Variants in CACNA1G observed in about 807,000 individuals in gnomAD.
CACNA1G encodes the protein voltage-dependent T-type calcium channel subunit alpha-1G.
Under a neutral mutation model 219.4 loss-of-function variants are expected in CACNA1G, and 67 were observed. The ratio of observed to expected loss-of-function variants is 0.31; its 90% CI spans 0.25 to 0.37. The LOEUF (loss-of-function observed/expected upper bound fraction) is 0.37, where lower values mean the gene tolerates loss of function less well. Among genes scored for constraint, CACNA1G ranks in the 10% least tolerant of loss-of-function variants. CACNA1G has a pLI of 1.00. For missense variants in CACNA1G, 2,380 were observed against 3,231.4 expected, an observed-to-expected ratio of 0.74 and a Z score of 6.39; for synonymous variants, 1,296 against 1,345.3, an observed-to-expected ratio of 0.96 and a Z score of 0.80.
intron 34 of CACNA1G, 110 bp downstream of exon 34, chr17:50,619,936 G>A: frequency 1.7e-6 from 2 of 1,149,252 alleles, no homozygotes; most frequent in Non-Finnish European, 2.4e-6. Flanking sequence ...GGTATCTGTA[G>A]AAAGTGCAGC....
chr17:50,623,401 CA>C lies in CACNA1G; in HGVS notation c.6061-505del, dbSNP rs541681615. Among the ~76,000 whole-genome samples the C allele has an allele frequency of 7.7e-4, 116 of 151,534 alleles. 1 individual carries two copies. In the South Asian group the frequency reaches 0.015, roughly 19 times the overall value. Reference sequence around the variant, plus strand: ...TGCTGGGATTACAGGCATGAGCCACCAGCCACTGTGCCTGGCCTGCTGTTAG... The same window carrying C: ...TGCTGGGATTACAGGCATGAGCCACCGCCACTGTGCCTGGCCTGCTGTTAG... On this transcript the variant is annotated intron_variant, in intron 35 of 37. Transcript: ENST00000359106.
chr17:50,618,031 C>T lies in CACNA1G; in HGVS notation c.5227-17C>T. On this transcript the variant is annotated splice_polypyrimidine_tract_variant and intron_variant, in intron 30 of 37. Coordinates refer to ENST00000359106, the MANE Select transcript of CACNA1G (RefSeq NM_018896.5). This position sits in a 1 kb window ranked among gnomAD's most constrained non-coding sequence, Gnocchi z 5.3. ...AGACCCAGCGGCATCGTTTCTATTT[C>T]TTCTCCTTTTTTCCAGGTGGGGAAC... 3 of 1,613,704 alleles carry T rather than the reference C, an allele frequency of 1.9e-6. No individual in the cohort carries two copies. The highest frequency in any genetic ancestry group is 2.5e-6 in the Non-Finnish European group (3 of 1,179,700).
intron 9 of CACNA1G, among the ~76,000 whole-genome samples, chr17:50,586,561 A>G (rs1339147669): frequency 2.0e-5 from 3 of 152,164 alleles, no homozygotes; most frequent in African/African-American, 7.2e-5. Flanking sequence ...CCTTGCAGAT[A>G]TCGGTCCTGC....
chr17:50,622,194 C>T (rs1391449865), intron 35 of CACNA1G, among the ~76,000 whole-genome samples: 1 of 149,496 alleles, frequency 6.7e-6, no homozygotes, highest in Non-Finnish European at 1.5e-5. Context: ...ACCCCACCCC[C>T]CAACAACATG....
chr17:50,606,366 G>C, intron 23 of CACNA1G: 2 of 605,920 alleles, frequency 3.3e-6, no homozygotes, highest in East Asian at 5.6e-5. Flanking sequence ...TGCAAATCCT[G>C]ACCCCACCAT....
At position 50,569,288 on chromosome 17, in the gene CACNA1G, G is replaced by A. The variant is rs184328705; in HGVS notation, c.478G>A (p.Val160Ile). Residue 160 changes from valine to isoleucine, a missense_variant, in exon 3 of 38, where the codon GTC (valine) becomes ATC (isoleucine). Around this residue, in one of 17 missense-constraint regions of CACNA1G, gnomAD observed 56 missense variants for 135.8 expected, o/e 0.41. Transcript: ENST00000359106. ...TTGGAACCGGCTTGACTTTTTCATC[G>A]TCATCGCAGGGTGAGGACCTGGGCT... ...DTWNRLDFFI[V>I]IAGMLEYSLD... The A allele has an allele frequency of 4.6e-5, 75 of 1,613,610 alleles. No individual in the cohort carries two copies. Among genetic ancestry groups the A allele is most frequent in the Non-Finnish European group, 5.4e-5 (64 of 1,179,830 alleles).
chr17:50,565,133 ACACACACACG>A (rs2037341655), intron 1 of CACNA1G, among the ~76,000 whole-genome samples: 3 of 134,348 alleles, frequency 2.2e-5, no homozygotes, highest in African/African-American at 9.7e-5. Context: ...ACGCGCGCGC[ACACACACACG>A]CGCACACACA....
Position 50,594,853 on chromosome 17 carries a change from C to G in CACNA1G, c.2911-140C>G, listed in dbSNP as rs540638841. ...GCTGTTCTGTCCCCTCTCTGCCCCC[C>G]CATTCCCCGTGTCTCTCAGTTCCCC... On this transcript the variant is annotated intron_variant, in intron 13 of 37. Transcript: ENST00000359106. The G allele has an allele frequency of 8.2e-4, 516 of 630,080 alleles. 2 individuals are homozygous for G. The highest frequency in any genetic ancestry group is 6.6e-3 in the African/African-American group (367 of 55,646). 39.0% of individuals were successfully genotyped at this position (630,080 alleles called of 1,614,324 possible).
chr17:50,616,691 G>A (rs2050676217), intron 28 of CACNA1G, among the ~76,000 whole-genome samples: 1 of 152,192 alleles, frequency 6.6e-6, no homozygotes, highest in South Asian at 2.1e-4. Flanking sequence ...AACTGGATTT[G>A]AATCCTGGTC....
chr17:50,564,497 G>A (rs1165149735), intron 1 of CACNA1G, among the ~76,000 whole-genome samples: 2 of 129,708 alleles, frequency 1.5e-5, no homozygotes, highest in East Asian at 5.8e-4. Context: ...AGGGGAGCCT[G>A]CCAGGAGTCG....
intron 13 of CACNA1G, among the ~76,000 whole-genome samples, chr17:50,594,212 G>A (rs1006313372): frequency 1.3e-5 from 2 of 152,294 alleles, no homozygotes; most frequent in Middle Eastern, 3.4e-3. Flanking sequence ...AGGGGGCAGC[G>A]CCCTGAATCC....
In CACNA1G at chr17:50,569,291, A is replaced by T. The variant is rs368561457; in HGVS notation, c.481A>T (p.Ile161Phe). The change falls in exon 3 of 38, where the codon ATC becomes TTC. Residue 161 changes from isoleucine to phenylalanine, a missense_variant. This residue lies in a region of CACNA1G where 56 missense variants were observed against 135.8 expected (regional missense o/e 0.41). Coordinates refer to ENST00000359106, the MANE Select transcript of CACNA1G (RefSeq NM_018896.5). ...TWNRLDFFIVIAGMLEYSLDL... is the reference protein window; with the variant it reads ...TWNRLDFFIVFAGMLEYSLDL... ...GAACCGGCTTGACTTTTTCATCGTCATCGCAGGGTGAGGACCTGGGCTGGG... is the reference window on the plus strand; with the variant it reads ...GAACCGGCTTGACTTTTTCATCGTCTTCGCAGGGTGAGGACCTGGGCTGGG... 2.5e-6 allele frequency: 4 copies of T among 1,613,410 alleles called. No homozygotes were observed. The highest frequency in any genetic ancestry group is 3.4e-6 in the Non-Finnish European group (4 of 1,179,816).
chr17:50,610,047 C>G (rs1338813615), intron 26 of CACNA1G, 112 bp downstream of exon 26: 28 of 1,041,798 alleles, frequency 2.7e-5, no homozygotes, highest in Non-Finnish European at 3.7e-5. Context: ...CCCTGGGGCC[C>G]CCAAGAGGGC....
At chr17:50,625,445 G>T (rs2146510327) in intron 37 of CACNA1G, among the ~76,000 whole-genome samples, 1 of 152,366 alleles carries the variant, frequency 6.6e-6, no homozygotes, top group East Asian at 1.9e-4. Context: ...GAAGCTCACA[G>T]TCTAATAGTG....
chr17:50,564,628 G>A (rs2037150386), intron 1 of CACNA1G, among the ~76,000 whole-genome samples: 2 of 151,922 alleles, frequency 1.3e-5, no homozygotes, highest in Non-Finnish European at 2.9e-5. Flanking sequence ...AGGGGTGGGG[G>A]CACAGGAGTT....
chr17:50,607,244 C>A, intron 24 of CACNA1G: 1 of 498,054 alleles, frequency 2.0e-6, no homozygotes, highest in East Asian at 4.0e-5. Context: ...TGGCTCACAC[C>A]TGTAATGCCA....
chr17:50,600,976 G>T lies in CACNA1G; in HGVS notation c.3792-75G>T. On this transcript the variant is annotated intron_variant, in intron 18 of 37. Coordinates refer to ENST00000359106, the MANE Select transcript of CACNA1G (RefSeq NM_018896.5). The surrounding 1 kb of genome is among the most constrained non-coding windows in gnomAD (Gnocchi z 4.1). ...CAGCTGGGAGGGCACTGGAGGGGCAGGGGCTGCGGGCGGTGCCTCTCGTTG... is the reference window on the plus strand; with the variant it reads ...CAGCTGGGAGGGCACTGGAGGGGCATGGGCTGCGGGCGGTGCCTCTCGTTG... The T allele has an allele frequency of 6.3e-7, 1 of 1,594,112 alleles. No individual in the cohort carries two copies. Among genetic ancestry groups the T allele is most frequent in the Non-Finnish European group, 8.6e-7 (1 of 1,167,800 alleles).
intron 9 of CACNA1G, among the ~76,000 whole-genome samples, chr17:50,589,730 T>A (rs1472196732): frequency 6.6e-6 from 1 of 152,150 alleles, no homozygotes; most frequent in East Asian, 1.9e-4. Context: ...AGAATCTTGC[T>A]GAAGGTCACA....
intron 7 of CACNA1G, among the ~76,000 whole-genome samples, chr17:50,574,561 G>A (rs1226811872): frequency 6.6e-6 from 1 of 151,718 alleles, no homozygotes; most frequent in Non-Finnish European, 1.5e-5. Flanking sequence ...TTCTCACCAT[G>A]TGCCCCCCCC....
Sources: allele counts gnomAD v4.1 joint callset (sites outside exome capture counted in the v4.1 genomes callset), GRCh38; gene constraint gnomAD v4.1.1; regional missense constraint gnomAD v4.1.1; non-coding constraint Gnocchi (gnomAD v3.1); transcripts MANE v1.5; gene names NCBI Gene and HGNC (gene_info 2026-07-23, HGNC 2026-07-21).